C10orf71: variants seen among roughly 807,000 people sequenced by gnomAD.
C10orf71 encodes cardiac-enriched FHL2-interacting protein.
For missense variants in C10orf71, 1,869 were observed against 1,804.5 expected, an observed-to-expected ratio of 1.04 and a Z score of -0.65; for synonymous variants, 758 against 726.3, an observed-to-expected ratio of 1.04 and a Z score of -0.70.
At chr10:49,312,332 A>C (rs1848929269) in intron 1 of C10orf71, among the ~76,000 whole-genome samples, 2 of 152,168 alleles carry the variant, frequency 1.3e-5, no homozygotes, top group African/African-American at 4.8e-5. Context: ...TGTTTTGCAG[A>C]ACCTTCTCCA....
At chr10:49,304,852 G>A (rs956858951) in intron 1 of C10orf71, among the ~76,000 whole-genome samples, 1 of 152,212 alleles carries the variant, frequency 6.6e-6, no homozygotes, top group Non-Finnish European at 1.5e-5. Context: ...TCTCCAAGGT[G>A]GAATCTGGTC....
intron 1 of C10orf71, among the ~76,000 whole-genome samples, chr10:49,309,561 A>G (rs899134729): frequency 6.6e-6 from 1 of 152,248 alleles, no homozygotes; most frequent in African/African-American, 2.4e-5. Context: ...CATTCTCCTC[A>G]TAAAGCATAG....
rs953046435 is a variant in C10orf71 at position 49,322,881 on chromosome 10, C to T, written c.336C>T (p.Tyr112=). 2 of 1,613,770 alleles carry T rather than the reference C, an allele frequency of 1.2e-6. No individual in the cohort carries two copies. Among genetic ancestry groups the T allele is most frequent in the African/African-American group, 1.3e-5 (1 of 74,912 alleles). ...LPKYVQGEEK[Y]PKTSPPPTPV... Reference sequence around the variant, plus strand: ...AGTACGTTCAGGGAGAGGAAAAGTACCCCAAAACCAGCCCCCCACCAACGC... The same window carrying T: ...AGTACGTTCAGGGAGAGGAAAAGTATCCCAAAACCAGCCCCCCACCAACGC... The change falls in exon 3 of 3, where the codon TAC becomes TAT. Residue 112 remains tyrosine, a synonymous_variant. Coordinates refer to ENST00000374144, the MANE Select transcript of C10orf71 (RefSeq NM_001135196.2).
At chr10:49,321,678 G>T (rs1269109050) in intron 2 of C10orf71, among the ~76,000 whole-genome samples, 1 of 152,184 alleles carries the variant, frequency 6.6e-6, no homozygotes, top group East Asian at 1.9e-4. Context: ...ACAGTGTACA[G>T]GGGTCCCCTT....
At position 49,323,227 on chromosome 10, in the gene C10orf71, G is replaced by T. The variant is rs371353601; in HGVS notation, c.682G>T (p.Ala228Ser). ...EQESSKNPEMACHGSSSFLPA... is the reference protein window; with the variant it reads ...EQESSKNPEMSCHGSSSFLPA... ...GGAGTCCTCCAAGAATCCAGAAATG[G>T]CCTGTCACGGCTCCAGCAGCTTCCT... Residue 228 changes from alanine (A) to serine (S), a missense_variant, in exon 3 of 3, where the codon GCC becomes TCC. By Grantham distance (99) the Ala-to-Ser change is moderately conservative (BLOSUM62 1). Transcript: ENST00000374144. 6.2e-6 allele frequency: 10 copies of T among 1,613,752 alleles called. No homozygotes were observed. Among genetic ancestry groups the T allele is most frequent in the Middle Eastern group, 3.3e-4 (2 of 6,084 alleles).
intron 1 of C10orf71, among the ~76,000 whole-genome samples, chr10:49,312,779 C>T (rs1370050302): frequency 1.3e-5 from 2 of 152,206 alleles, no homozygotes; most frequent in East Asian, 3.8e-4. Flanking sequence ...CCACCTGCTT[C>T]CATCTCTTAC....
intron 1 of C10orf71, among the ~76,000 whole-genome samples, chr10:49,308,357 T>C (rs1180845173): frequency 1.3e-5 from 2 of 152,226 alleles, no homozygotes; most frequent in Non-Finnish European, 2.9e-5. Context: ...GCCAAACTTG[T>C]TCTCTCCCAG....
intron 2 of C10orf71, among the ~76,000 whole-genome samples, chr10:49,321,239 C>A (rs1413410172): frequency 6.6e-6 from 1 of 152,140 alleles, no homozygotes; most frequent in East Asian, 1.9e-4. Flanking sequence ...TTCCCAGCCT[C>A]TGACAACCCC....
Position 49,325,108 on chromosome 10 carries a change from T to C in C10orf71, c.2563T>C (p.Phe855Leu), listed in dbSNP as rs1194789200. The change falls in exon 3 of 3, where the codon TTT (phenylalanine) becomes CTT (leucine). Residue 855 changes from phenylalanine (F) to leucine (L), a missense_variant. Transcript: ENST00000374144. ...TTCTGCTTCAAACAGGCACATGCTG[T>C]TTACGATTAAAGACAACACCCTCAG... ...PSSASNRHML[F>L]TIKDNTLRAT... is the part of the protein sequence containing the mutation. 3 of 1,551,804 alleles carry C rather than the reference T, an allele frequency of 1.9e-6. No individual in the cohort carries two copies. Among genetic ancestry groups the C allele is most frequent in the Non-Finnish European group, 2.6e-6 (3 of 1,147,048 alleles).
chr10:49,297,807 CGTTT>C (rs762858829), upstream of C10orf71, among the ~76,000 whole-genome samples: 6 of 152,138 alleles, frequency 3.9e-5, no homozygotes, highest in African/African-American at 7.2e-5. Flanking sequence ...TTTTGGCATG[CGTTT>C]GTTTTGGCAA....
At chr10:49,315,753 C>G (rs1848989780) in intron 1 of C10orf71, among the ~76,000 whole-genome samples, 1 of 152,164 alleles carries the variant, frequency 6.6e-6, no homozygotes, top group Non-Finnish European at 1.5e-5. Flanking sequence ...CGTTGTATAA[C>G]TGACATTTAA....
In C10orf71 at chr10:49,323,280, A is replaced by C; in HGVS notation, c.735A>C (p.Leu245Phe). 1 of 1,613,870 alleles carries C rather than the reference A, an allele frequency of 6.2e-7. No individual in the cohort carries two copies. Among genetic ancestry groups the C allele is most frequent in the East Asian group, 2.2e-5 (1 of 44,866 alleles). Residue 245 changes from leucine (L) to phenylalanine (F), a missense_variant, in exon 3 of 3, where the codon TTA becomes TTC. Coordinates refer to ENST00000374144, the MANE Select transcript of C10orf71 (RefSeq NM_001135196.2). ...FLPAANDTAT[L>F]CESKFPSPHH... is the part of the protein sequence containing the mutation. ...CAGCAGCCAATGACACGGCCACCTT[A>C]TGTGAGTCAAAGTTCCCCTCTCCAC...
At chr10:49,308,199 A>G (rs1463451271) in intron 1 of C10orf71, among the ~76,000 whole-genome samples, 6 of 152,198 alleles carry the variant, frequency 3.9e-5, no homozygotes, top group African/African-American at 1.4e-4. Context: ...TTCTTCAACC[A>G]CAACCCCTGG....
Position 49,301,399 on chromosome 10 carries a change from C to T in C10orf71, c.-248+2166C>T, listed in dbSNP as rs74130928. Among the ~76,000 whole-genome samples the T allele has an allele frequency of 2.7e-3, 415 of 152,310 alleles. 2 individuals are homozygous for T. The highest frequency in any genetic ancestry group is 9.8e-3 in the African/African-American group (408 of 41,562). Reference sequence around the variant, plus strand: ...GTTAATTGGAAAAATCTCAGACACCCCCTCATTTCTACTTGGTTTCCAAGG... The same window carrying T: ...GTTAATTGGAAAAATCTCAGACACCTCCTCATTTCTACTTGGTTTCCAAGG... On this transcript the variant is annotated intron_variant, in intron 1 of 2. Coordinates refer to ENST00000374144, the MANE Select transcript of C10orf71 (RefSeq NM_001135196.2).
intron 1 of C10orf71, among the ~76,000 whole-genome samples, chr10:49,308,217 T>C (rs1368752346): frequency 1.3e-5 from 2 of 152,222 alleles, no homozygotes; most frequent in Non-Finnish European, 2.9e-5. Context: ...TGGGGCATCC[T>C]GGACTTCTAC....
At chr10:49,299,409 C>T (rs7897237) in intron 1 of C10orf71, 176 bp downstream of exon 1, 74,333 of 152,282 alleles carry the variant, frequency 0.49, 19,326 homozygotes, top group South Asian at 0.6. Flanking sequence ...GGTTTCTCTC[C>T]CATTCCCGAG....
chr10:49,313,791 A>T (rs1848954159), intron 1 of C10orf71, among the ~76,000 whole-genome samples: 1 of 152,132 alleles, frequency 6.6e-6, no homozygotes, highest in Admixed American at 6.5e-5. Flanking sequence ...TCTGCTTTAA[A>T]CATGTGGGTT....
At chr10:49,322,118 T>C (rs905910068) in intron 2 of C10orf71, among the ~76,000 whole-genome samples, 9 of 152,224 alleles carry the variant, frequency 5.9e-5, no homozygotes, top group Non-Finnish European at 1.2e-4. Flanking sequence ...GCTTGCGAAC[T>C]CAGTCTTTTT....
chr10:49,313,346 G>T (rs1166886265), intron 1 of C10orf71, among the ~76,000 whole-genome samples: 1 of 152,204 alleles, frequency 6.6e-6, no homozygotes, highest in Admixed American at 6.5e-5. Context: ...AAGTAGGGTG[G>T]CATGAAGCTG....
Sources: allele counts gnomAD v4.1 joint callset (sites outside exome capture counted in the v4.1 genomes callset), GRCh38; gene constraint gnomAD v4.1.1; transcripts MANE v1.5; gene names NCBI Gene and HGNC (gene_info 2026-07-23, HGNC 2026-07-21).